Variants in EEFSEC observed in about 807,000 individuals in gnomAD.
EEFSEC encodes the protein selenocysteine-specific elongation factor.
Under a neutral mutation model 42.1 loss-of-function variants are expected in EEFSEC, and 43 were observed. That is an observed-to-expected ratio of 1.02 (90% CI 0.80 to 1.32). The LOEUF (loss-of-function observed/expected upper bound fraction) is 1.32, where lower values mean the gene tolerates loss of function less well. Ranked by LOEUF, EEFSEC falls within the 40% of genes most tolerant of loss-of-function variation. The pLI is 0.00. For missense variants in EEFSEC, 745 were observed against 803.6 expected (o/e 0.93, Z 0.88); for synonymous variants, 354 against 339.1 (o/e 1.04, Z -0.48).
chr3:128,261,551 CTTTTTT>C (rs386397883), intron 2 of EEFSEC, among the ~76,000 whole-genome samples: 72 of 106,892 alleles, frequency 6.7e-4, no homozygotes, highest in South Asian at 2.7e-3. Context: ...CTCTTTCCCT[CTTTTTT>C]TTTTTTTTTT....
rs1172179543 is a variant in EEFSEC at position 128,153,761 on chromosome 3, T to C, written c.254T>C (p.Leu85Pro). Reference sequence around the variant, plus strand: ...GCCGAGCCCGAGCCCGGCGAGCCACTGCTTCAGGTCACGCTGGTCGACTGC... The same window carrying C: ...GCCGAGCCCGAGCCCGGCGAGCCACCGCTTCAGGTCACGCTGGTCGACTGC... ...PEAEPEPGEP[L>P]LQVTLVDCPG... The change falls in exon 1 of 7, where the codon CTG (leucine) becomes CCG (proline). Residue 85 changes from leucine (L) to proline (P), a missense_variant. Transcript: ENST00000254730. 6.5e-7 allele frequency: 1 copy of C among 1,544,354 alleles called. No individual in the cohort carries two copies. The highest frequency in any genetic ancestry group is 8.7e-7 in the Non-Finnish European group (1 of 1,153,144).
intron 6 of EEFSEC, among the ~76,000 whole-genome samples, chr3:128,371,270 C>T (rs1485793534): frequency 6.6e-6 from 1 of 151,998 alleles, no homozygotes; most frequent in East Asian, 1.9e-4. Flanking sequence ...AGCTTACTCC[C>T]GAAAGGCCTT....
intron 6 of EEFSEC, among the ~76,000 whole-genome samples, chr3:128,378,315 G>A (rs114796669): frequency 1.3e-3 from 195 of 152,258 alleles, no homozygotes; most frequent in African/African-American, 4.2e-3. Context: ...CATTCCAACA[G>A]TCCTCCTCCA....
chr3:128,422,603 G>A, the EEFSEC span, among the ~76,000 whole-genome samples: 1 of 152,216 alleles, frequency 6.6e-6, no homozygotes, highest in African/African-American at 2.4e-5. Flanking sequence ...GCTGCTCTCC[G>A]TGGCTGGCCC....
intron 1 of EEFSEC, among the ~76,000 whole-genome samples, chr3:128,230,490 A>T (rs752612629): frequency 2.0e-4 from 31 of 152,236 alleles, no homozygotes; most frequent in Non-Finnish European, 3.2e-4. Flanking sequence ...ACTGCTCTCC[A>T]CTTTCTTTAC....
chr3:128,382,021 G>A (rs2067782283), intron 6 of EEFSEC, among the ~76,000 whole-genome samples: 2 of 152,264 alleles, frequency 1.3e-5, no homozygotes, highest in East Asian at 1.9e-4. Flanking sequence ...AGATAGGCCC[G>A]AATGTGGTTC....
chr3:128,332,154 C>T (rs1419104451), intron 4 of EEFSEC, among the ~76,000 whole-genome samples: 1 of 151,792 alleles, frequency 6.6e-6, no homozygotes, highest in Non-Finnish European at 1.5e-5. Flanking sequence ...TGTATATATA[C>T]ACATGTTATA....
chr3:128,407,676 C>T (rs1405995928), intron 6 of EEFSEC, among the ~76,000 whole-genome samples: 7 of 152,194 alleles, frequency 4.6e-5, no homozygotes, highest in Admixed American at 3.9e-4. Context: ...GTCAGCCTCC[C>T]AGGCACACAA....
At position 128,264,640 on chromosome 3, in the gene EEFSEC, C is replaced by G. The variant is rs766592377; in HGVS notation, c.645C>G (p.Ile215Met). 6.2e-7 allele frequency: 1 copy of G among 1,614,012 alleles called. No homozygotes were observed. Among genetic ancestry groups the G allele is most frequent in the Admixed American group, 1.7e-5 (1 of 60,008 alleles). Residue 215 changes from isoleucine (I) to methionine (M), a missense_variant, in exon 4 of 7, where the codon ATC (isoleucine) becomes ATG (methionine). Coordinates refer to ENST00000254730, the MANE Select transcript of EEFSEC (RefSeq NM_021937.5). ...AGCTCCTGACGTCCCAGATTTCCAT[C>G]CCAACGAGAGATCCCTCGGGACCGT... Reference protein sequence around the residue: ...LIELLTSQISIPTRDPSGPFL... With the variant: ...LIELLTSQISMPTRDPSGPFL...
chr3:128,376,272 G>A (rs1326062103), intron 6 of EEFSEC, among the ~76,000 whole-genome samples: 2 of 152,230 alleles, frequency 1.3e-5, no homozygotes, highest in Non-Finnish European at 2.9e-5. Flanking sequence ...ACCAGGGGCT[G>A]TTACTAGAAG....
At chr3:128,220,742 G>A (rs890973712) in intron 1 of EEFSEC, among the ~76,000 whole-genome samples, 7 of 152,312 alleles carry the variant, frequency 4.6e-5, no homozygotes, top group African/African-American at 1.4e-4. Flanking sequence ...CAGATCAGGC[G>A]AGAAAGGGCC....
chr3:128,412,150 C>T (rs2068178244), downstream of EEFSEC, among the ~76,000 whole-genome samples: 1 of 152,214 alleles, frequency 6.6e-6, no homozygotes, highest in Non-Finnish European at 1.5e-5. Context: ...TCCAGTGTAT[C>T]CAGTGCTAGT....
rs114362744 is a variant in EEFSEC, at chr3:128,362,118, C to G, written c.1600+3745C>G. 4.8e-3 allele frequency: 2,024 copies of G among 421,690 alleles called. 35 individuals are homozygous for G. The highest frequency in any genetic ancestry group is 0.038 in the African/African-American group (1,884 of 49,306). The allele number at this position is 421,690 out of a possible 1,614,324, so 26.1% of individuals were successfully genotyped here. On this transcript the variant is annotated intron_variant, in intron 6 of 6. Coordinates refer to ENST00000254730, the MANE Select transcript of EEFSEC (RefSeq NM_021937.5). ...GAGGCCCATGTGGTGCTTGGAGAAG[C>G]ACTGCACCTGGGAGGCTGCGCTCCC...
chr3:128,158,689 A>G (rs1022136808), intron 1 of EEFSEC, among the ~76,000 whole-genome samples: 1 of 152,262 alleles, frequency 6.6e-6, no homozygotes, highest in Non-Finnish European at 1.5e-5. Flanking sequence ...AATTGACGAC[A>G]TGTCATGTAA....
chr3:128,255,728 G>A (rs1341080836), intron 2 of EEFSEC, among the ~76,000 whole-genome samples: 1 of 152,202 alleles, frequency 6.6e-6, no homozygotes, highest in Non-Finnish European at 1.5e-5. Flanking sequence ...ATTGGATGTT[G>A]ATTGAAAGTG....
At chr3:128,416,230 T>C in the EEFSEC span, among the ~76,000 whole-genome samples, 1 of 151,956 alleles carries the variant, frequency 6.6e-6, no homozygotes, top group African/African-American at 2.4e-5. Flanking sequence ...GGCTGCTGGT[T>C]CTGGGCAGGG....
chr3:128,408,330 C>T lies in EEFSEC; in HGVS notation c.*71C>T. 1.4e-6 allele frequency: 2 copies of T among 1,444,402 alleles called. No homozygotes were observed. Among genetic ancestry groups the T allele is most frequent in the Middle Eastern group, 1.9e-4 (1 of 5,284 alleles). 89.5% of individuals were successfully genotyped at this position (1,444,402 alleles called of 1,614,324 possible). A position where few individuals can be genotyped will look rare whatever the true frequency, so the allele number is the denominator to read the frequency against. On this transcript the variant is annotated 3_prime_UTR_variant, in exon 7 of 7. Coordinates refer to ENST00000254730, the MANE Select transcript of EEFSEC (RefSeq NM_021937.5). ...GGCTGCTGTGCCAAATCCCAACCAG[C>T]CACGCCTCAGCCTCTCCCAGTCTCT... is the stretch of plus-strand genomic sequence containing the variant.
intron 1 of EEFSEC, among the ~76,000 whole-genome samples, chr3:128,209,074 G>A (rs980043876): frequency 1.3e-5 from 2 of 152,186 alleles, no homozygotes; most frequent in East Asian, 1.9e-4. Flanking sequence ...CTAGGCCAGC[G>A]TTTCCCAAAG....
At chr3:128,272,651 A>C (rs1306434605) in intron 4 of EEFSEC, among the ~76,000 whole-genome samples, 1 of 152,210 alleles carries the variant, frequency 6.6e-6, no homozygotes, top group East Asian at 1.9e-4. Context: ...ATGATATGAG[A>C]GCAAAATGGC....
Sources: allele counts gnomAD v4.1 joint callset (sites outside exome capture counted in the v4.1 genomes callset), GRCh38; gene constraint gnomAD v4.1.1; transcripts MANE v1.5; gene names NCBI Gene and HGNC (gene_info 2026-07-23, HGNC 2026-07-21).